Variants in LRRC28 observed in about 807,000 individuals in gnomAD.
LRRC28 encodes the protein leucine-rich repeat-containing protein 28.
Under a neutral mutation model 45.7 loss-of-function variants are expected in LRRC28, and 39 were observed. The observed-to-expected ratio is 0.85, with a 90% CI of 0.66 to 1.12. The LOEUF (loss-of-function observed/expected upper bound fraction) is 1.12, where lower values mean the gene tolerates loss of function less well. Among genes scored for constraint, LRRC28 ranks in the 50% most tolerant of loss-of-function variants. LRRC28 has a pLI of 0.00. For synonymous variants in LRRC28, 206 were observed against 178.8 expected, an observed-to-expected ratio of 1.15 and a Z score of -1.22; for missense variants, 435 against 438.5, an observed-to-expected ratio of 0.99 and a Z score of 0.07.
chr15:99,363,573 A>G (rs1374886525), intron 9 of LRRC28, among the ~76,000 whole-genome samples: 2 of 152,348 alleles, frequency 1.3e-5, no homozygotes, highest in African/African-American at 4.8e-5. Flanking sequence ...TAAGGGATGC[A>G]AGAAAAAAAA....
chr15:99,369,945 G>A lies in LRRC28; in HGVS notation c.1031+6680G>A, dbSNP rs115910940. On this transcript the variant is annotated intron_variant, in intron 9 of 9. Transcript: ENST00000301981. The stretch of plus-strand genomic sequence containing the variant: ...GCTTTTGTGTAATAAGCCATGGCGT[G>A]CAATGGAAGAACCAGTAGTCCTGGG... 5.4e-3 allele frequency among the ~76,000 whole-genome samples: 816 copies of A among 152,318 alleles called. 8 individuals carry two copies. The highest frequency in any genetic ancestry group is 0.019 in the African/African-American group (792 of 41,564).
rs536449290 is a variant in LRRC28 at position 99,290,114 on chromosome 15, C to T, written c.385+2163C>T. ...CTCTGCTAAAAATACAAAAATTAGC[C>T]GGGTGTGGTGGCATTGTGCCTATAG... On this transcript the variant is annotated intron_variant, in intron 5 of 9. Coordinates refer to ENST00000301981, the MANE Select transcript of LRRC28 (RefSeq NM_144598.5). Among the ~76,000 whole-genome samples, 51 of 151,636 alleles carry T rather than the reference C, an allele frequency of 3.4e-4. 2 individuals are homozygous for T. Among genetic ancestry groups the T allele is most frequent in the Admixed American group, 3.1e-3 (47 of 15,240 alleles).
At chr15:99,383,864 C>G (rs1187334993) in intron 9 of LRRC28, among the ~76,000 whole-genome samples, 2 of 152,158 alleles carry the variant, frequency 1.3e-5, no homozygotes, top group African/African-American at 4.8e-5. Flanking sequence ...ATAGCTGTCT[C>G]ATTAGCTGTT....
chr15:99,379,240 T>A (rs1220486555), intron 9 of LRRC28, among the ~76,000 whole-genome samples: 1 of 152,210 alleles, frequency 6.6e-6, no homozygotes, highest in Non-Finnish European at 1.5e-5. Context: ...ACTCTGGGAT[T>A]CAACTTCTTC....
chr15:99,272,942 A>G (rs2081520025), intron 2 of LRRC28, among the ~76,000 whole-genome samples: 1 of 152,228 alleles, frequency 6.6e-6, no homozygotes, highest in Admixed American at 6.5e-5. Context: ...GGATTAGGAT[A>G]CACTAGTTTG....
At chr15:99,385,985 A>G (rs761943530) in intron 9 of LRRC28, 45 bp from the exon 10 acceptor site, 1 of 1,554,490 alleles carries the variant, frequency 6.4e-7, no homozygotes, top group Non-Finnish European at 8.9e-7. Flanking sequence ...CAGAGACTTT[A>G]ATCTTGAACT....
intron 5 of LRRC28, chr15:99,333,627 A>C (rs1956226352): frequency 2.5e-6 from 1 of 396,638 alleles, no homozygotes; most frequent in African/African-American, 2.0e-5. Context: ...ACTCATCAAG[A>C]TGCAGAAGCC....
At chr15:99,378,401 C>T (rs540049609) in intron 9 of LRRC28, among the ~76,000 whole-genome samples, 1 of 152,294 alleles carries the variant, frequency 6.6e-6, no homozygotes, top group South Asian at 2.1e-4. Flanking sequence ...TATCCTGAGA[C>T]TTTGCTGAAG....
In LRRC28 at chr15:99,389,406, TTAGTAG is replaced by T. The variant is rs1003804189; in HGVS notation, c.*3310_*3315del. ...GGACTTTCAAAGCCAATTTTTAAAA[TTAGTAG>T]TAGTAAAGGTTTTTCCCTTTCCTGA... On this transcript the variant is annotated 3_prime_UTR_variant, in exon 10 of 10. Transcript: ENST00000301981. 1.3e-5 allele frequency: 2 copies of T among 152,202 alleles called. No individual in the cohort carries two copies. The highest frequency in any genetic ancestry group is 2.9e-5 in the Non-Finnish European group (2 of 68,036). 9.4% of individuals were successfully genotyped at this position (152,202 alleles called of 1,614,324 possible). A position where few individuals can be genotyped will look rare whatever the true frequency, so the allele number is the denominator to read the frequency against.
chr15:99,258,422 A>G (rs878896388), intron 2 of LRRC28: 2 of 927,922 alleles, frequency 2.2e-6, no homozygotes, highest in Non-Finnish European at 3.6e-6. Context: ...TAAAAATCTC[A>G]TCAAAAATAT....
intron 6 of LRRC28, among the ~76,000 whole-genome samples, chr15:99,341,867 T>C (rs1956524885): frequency 6.6e-6 from 1 of 152,206 alleles, no homozygotes; most frequent in Non-Finnish European, 1.5e-5. Context: ...ATGAATTGAC[T>C]TAAAAGCAAG....
At chr15:99,272,277 C>A (rs1401566811) in intron 2 of LRRC28, among the ~76,000 whole-genome samples, 1 of 152,164 alleles carries the variant, frequency 6.6e-6, no homozygotes, top group Non-Finnish European at 1.5e-5. Context: ...GGAGCCTCTG[C>A]CCAGGAATGA....
chr15:99,381,219 C>T (rs548834198), intron 9 of LRRC28, among the ~76,000 whole-genome samples: 1 of 152,270 alleles, frequency 6.6e-6, no homozygotes, highest in Admixed American at 6.5e-5. Context: ...TTCTTGGAGG[C>T]TTTGTTTGTT....
intron 5 of LRRC28, among the ~76,000 whole-genome samples, chr15:99,310,086 G>A (rs28727881): frequency 0.01 from 1,522 of 148,716 alleles, 17 homozygotes; most frequent in African/African-American, 0.035. Flanking sequence ...AAAAAGCTAT[G>A]ACTGAAATGT....
intron 4 of LRRC28, 117 bp from the exon 5 acceptor site, chr15:99,287,697 G>T: frequency 2.7e-6 from 3 of 1,094,796 alleles, no homozygotes; most frequent in South Asian, 1.9e-5. Context: ...ACTATTTTGT[G>T]AGCAACTGAG....
chr15:99,375,193 G>C (rs991482436), intron 9 of LRRC28, among the ~76,000 whole-genome samples: 3 of 152,110 alleles, frequency 2.0e-5, no homozygotes, highest in Admixed American at 2.0e-4. Context: ...AAGGAAAAGT[G>C]TTCTATTTTG....
At chr15:99,376,178 G>A (rs183332392) in intron 9 of LRRC28, among the ~76,000 whole-genome samples, 12 of 152,144 alleles carry the variant, frequency 7.9e-5, no homozygotes, top group African/African-American at 2.7e-4. Context: ...CTTTCAGTTT[G>A]TGTATGTTTT....
chr15:99,332,990 A>G (rs546150213), intron 5 of LRRC28, among the ~76,000 whole-genome samples: 2 of 152,340 alleles, frequency 1.3e-5, no homozygotes, highest in East Asian at 1.9e-4. Flanking sequence ...GGCAAGAGAT[A>G]GTATCACAGT....
At chr15:99,284,834 A>G (rs1446108853) in intron 3 of LRRC28, 2 of 553,440 alleles carry the variant, frequency 3.6e-6, no homozygotes, top group Non-Finnish European at 7.0e-6. Context: ...TGCTTCCATC[A>G]TTACCAAATC....
Sources: allele counts gnomAD v4.1 joint callset (sites outside exome capture counted in the v4.1 genomes callset), GRCh38; gene constraint gnomAD v4.1.1; transcripts MANE v1.5; gene names NCBI Gene and HGNC (gene_info 2026-07-23, HGNC 2026-07-21).